Variants in DLX3 observed in about 807,000 individuals in gnomAD.
DLX3 encodes the protein homeobox protein DLX-3.
In DLX3, 9 loss-of-function variants were observed where a neutral mutation model predicts 28.0. The ratio of observed to expected loss-of-function variants is 0.32; its 90% confidence interval spans 0.19 to 0.56. The LOEUF is 0.56. Among genes scored for constraint, DLX3 ranks in the 20% least tolerant of loss-of-function variants. The pLI, the probability that DLX3 is intolerant of heterozygous loss-of-function variation, is 0.91. For missense variants in DLX3, 313 were observed against 378.2 expected, an observed-to-expected ratio of 0.83 and a Z score of 1.43; for synonymous variants, 154 against 167.9, an observed-to-expected ratio of 0.92 and a Z score of 0.64.
rs1906058151 is a variant in DLX3, at chr17:49,990,743, C to T, written c.*774G>A. ...CAATGCCCTTTGTTTTCCTATTTTT[C>T]AACAGCTTTTAAAACCAAAGTTGTG... is the stretch of plus-strand genomic sequence containing the variant. On this transcript the variant is annotated 3_prime_UTR_variant, in exon 3 of 3. Transcript: ENST00000434704. The T allele has an allele frequency of 6.6e-6, 1 of 152,560 alleles. No homozygotes were observed. The highest frequency in any genetic ancestry group is 1.5e-5 in the Non-Finnish European group (1 of 68,016). The allele number at this position is 152,560 out of a possible 1,614,324, so 9.5% of individuals were successfully genotyped here.
chr17:49,993,774 G>T lies in DLX3; in HGVS notation c.326-184C>A, dbSNP rs919088. On this transcript the variant is annotated intron_variant, in intron 1 of 2. Transcript: ENST00000434704. ...CGCGGCCCCAGAGCCAGAACTGGCC[G>T]CGGCCCACAACGCGGCGCTCCCAGC... is the stretch of plus-strand genomic sequence containing the variant. The T allele has an allele frequency of 0.72, 345,136 of 481,712 alleles. 128,612 individuals carry two copies. Among genetic ancestry groups the T allele is most frequent in the Non-Finnish European group, 0.78 (238,336 of 303,616 alleles). The allele number at this position is 481,712 out of a possible 1,614,324, so 29.8% of individuals were successfully genotyped here. A position where few individuals can be genotyped will look rare whatever the true frequency, so the allele number is the denominator to read the frequency against.
rs1906059059 is a variant in DLX3, at chr17:49,990,790, A to C, written c.*727T>G. ...TGTGCAAAGTCCTGGACATGGAAGA[A>C]ATAAGTCCATAGGAAAAACGTCTGA... is the stretch of plus-strand genomic sequence containing the variant. On this transcript the variant is annotated 3_prime_UTR_variant, in exon 3 of 3. Transcript: ENST00000434704. 1 of 152,642 alleles carries C rather than the reference A, an allele frequency of 6.6e-6. No homozygotes were observed. Among genetic ancestry groups the C allele is most frequent in the Non-Finnish European group, 1.5e-5 (1 of 68,046 alleles). The allele number at this position is 152,642 out of a possible 1,614,324, so 9.5% of individuals were successfully genotyped here.
chr17:49,993,661 G>T, intron 1 of DLX3, 71 bp from the exon 2 acceptor site: 1 of 1,538,614 alleles, frequency 6.5e-7, no homozygotes, highest in Non-Finnish European at 8.8e-7. Flanking sequence ...ACCCTCCAGG[G>T]CCCCGCCGGA....
At chr17:49,993,273 G>A in intron 2 of DLX3, 127 bp downstream of exon 2, 2 of 968,992 alleles carry the variant, frequency 2.1e-6, no homozygotes, top group East Asian at 2.6e-5. Flanking sequence ...AACCTCGCAG[G>A]CCCCCATCCC....
Position 49,993,547 on chromosome 17 carries a change from A to G in DLX3, c.369T>C (p.Asn123=). The change falls in exon 2 of 3, where the codon AAT becomes AAC. Residue 123 remains asparagine (N), a synonymous_variant. Transcript: ENST00000434704. ...EEPEAEVRMV[N]GKPKKVRKPR... The stretch of plus-strand genomic sequence containing the variant: ...GCTTTCGGACCTTCTTGGGCTTCCC[A>G]TTCACCATGCGCACCTCTGCTTCCG... The G allele has an allele frequency of 2.5e-6, 4 of 1,613,552 alleles. No homozygotes were observed. The highest frequency in any genetic ancestry group is 2.5e-6 in the Non-Finnish European group (3 of 1,179,682).
At chr17:49,992,422 C>G (rs965420483) in intron 2 of DLX3, among the ~76,000 whole-genome samples, 11 of 152,246 alleles carry the variant, frequency 7.2e-5, no homozygotes, top group Non-Finnish European at 1.0e-4. Flanking sequence ...AATAAAAATA[C>G]ACGCAGACAC....
Position 49,995,198 on chromosome 17 carries a change from T to TCGCG in DLX3, c.-204_-201dup. The TCGCG allele has an allele frequency of 3.0e-6, 2 of 674,504 alleles. No individual in the cohort carries two copies. Among genetic ancestry groups the TCGCG allele is most frequent in the Non-Finnish European group, 5.1e-6 (2 of 390,022 alleles). The allele number at this position is 674,504 out of a possible 1,614,324, so 41.8% of individuals were successfully genotyped here. A position where few individuals can be genotyped will look rare whatever the true frequency, so the allele number is the denominator to read the frequency against. On this transcript the variant is annotated 5_prime_UTR_variant, in exon 1 of 3. Coordinates refer to ENST00000434704, the MANE Select transcript of DLX3 (RefSeq NM_005220.3). ...TCAGGCGGTCGCTGCGCGCCTCTCC[T>TCGCG]CGCGTCCCAAGCCACAATCAAATGC...
chr17:49,995,158 C>T lies in DLX3; in HGVS notation c.-160G>A, dbSNP rs2144188125. ...GGAGGGGGAGGCCGAGAGGCGCTTA[C>T]ACCATTGCCTGCCGTCAGGCGGTCG... On this transcript the variant is annotated 5_prime_UTR_variant, in exon 1 of 3. Coordinates refer to ENST00000434704, the MANE Select transcript of DLX3 (RefSeq NM_005220.3). The T allele has an allele frequency of 3.4e-6, 3 of 871,930 alleles. No individual in the cohort carries two copies. Among genetic ancestry groups the T allele is most frequent in the Non-Finnish European group, 5.4e-6 (3 of 553,678 alleles). 54.0% of individuals were successfully genotyped at this position (871,930 alleles called of 1,614,324 possible). A position where few individuals can be genotyped will look rare whatever the true frequency, so the allele number is the denominator to read the frequency against.
intron 1 of DLX3, 112 bp from the exon 2 acceptor site, chr17:49,993,702 C>G: frequency 7.9e-7 from 1 of 1,261,330 alleles, no homozygotes; most frequent in East Asian, 2.8e-5. Flanking sequence ...CGACTCGCCG[C>G]GGGATTCCCG....
chr17:49,991,302 C>T lies in DLX3; in HGVS notation c.*215G>A. 3.6e-6 allele frequency: 2 copies of T among 561,964 alleles called. No individual in the cohort carries two copies. Among genetic ancestry groups the T allele is most frequent in the Non-Finnish European group, 3.1e-6 (1 of 320,496 alleles). The allele number at this position is 561,964 out of a possible 1,614,324, so 34.8% of individuals were successfully genotyped here. On this transcript the variant is annotated 3_prime_UTR_variant, in exon 3 of 3. Transcript: ENST00000434704. ...AATGTCCCCACATCTGGAGGGGTACCCCAGTGTCTAGGCAGAGGGAGGGAG... is the reference window on the plus strand; with the variant it reads ...AATGTCCCCACATCTGGAGGGGTACTCCAGTGTCTAGGCAGAGGGAGGGAG...
In DLX3 at chr17:49,990,696, G is replaced by T. The variant is rs886053131; in HGVS notation, c.*821C>A. The T allele has an allele frequency of 6.6e-6, 1 of 152,654 alleles. No homozygotes were observed. Among genetic ancestry groups the T allele is most frequent in the East Asian group, 1.9e-4 (1 of 5,182 alleles). The allele number at this position is 152,654 out of a possible 1,614,324, so 9.5% of individuals were successfully genotyped here. ...CAGAACAGAGGCACCCTTGCAAGGG[G>T]AGACTTGGCCCTATCTGTGAACAAT... On this transcript the variant is annotated 3_prime_UTR_variant, in exon 3 of 3. Transcript: ENST00000434704.
rs151274156 is a variant in DLX3 at position 49,991,550 on chromosome 17, G to A, written c.831C>T (p.Pro277=). 93 of 1,610,020 alleles carry A rather than the reference G, an allele frequency of 5.8e-5. No individual in the cohort carries two copies. In the African/African-American group the frequency reaches 8.4e-4, roughly 15 times the overall value. Reference sequence around the variant, plus strand: ...CAGCCCCAGGGTTGGGCGGGGGCCCGGGAGAGGCATGGTGCAGGGTGGCTG... The same window carrying A: ...CAGCCCCAGGGTTGGGCGGGGGCCCAGGAGAGGCATGGTGCAGGGTGGCTG... ...PQPATLHHAS[P]GPPPNPGAVY Residue 277 remains proline (P), a synonymous_variant, in exon 3 of 3, where the codon CCC becomes CCT. Coordinates refer to ENST00000434704, the MANE Select transcript of DLX3 (RefSeq NM_005220.3).
chr17:49,993,743 G>T (rs1598155209), intron 1 of DLX3, 153 bp from the exon 2 acceptor site: 2 of 774,672 alleles, frequency 2.6e-6, no homozygotes, highest in Non-Finnish European at 3.7e-6. Flanking sequence ...CGGCCCAGGG[G>T]GGAGCCGCGG....
intron 2 of DLX3, 97 bp downstream of exon 2, chr17:49,993,303 G>A (rs1049271185): frequency 2.1e-5 from 27 of 1,304,856 alleles, no homozygotes; most frequent in Non-Finnish European, 2.6e-5. Flanking sequence ...AGTTCCAGGA[G>A]CCCGCAGGGC....
intron 2 of DLX3, among the ~76,000 whole-genome samples, chr17:49,992,867 A>G (rs1352264719): frequency 1.3e-5 from 2 of 152,186 alleles, no homozygotes; most frequent in South Asian, 2.1e-4. Flanking sequence ...TGAGCGTTCA[A>G]GTGCTGAGCA....
In DLX3 at chr17:49,994,922, G is replaced by A; in HGVS notation, c.77C>T (p.Ser26Phe). ...CTCGGGCAGGGTAGGCGAGTCCTTG[G>A]AGCCCGCATGGCAGCTAAGGGAGCT... Reference protein sequence around the residue: ...ISSSLSCHAGSKDSPTLPESS... With the variant: ...ISSSLSCHAGFKDSPTLPESS... Residue 26 changes from serine to phenylalanine, a missense_variant, in exon 1 of 3, where the codon TCC (serine) becomes TTC (phenylalanine). Ser to Phe is a radical substitution (Grantham distance 155, BLOSUM62 -2). Transcript: ENST00000434704. The A allele has an allele frequency of 6.2e-7, 1 of 1,614,144 alleles. No homozygotes were observed. Among genetic ancestry groups the A allele is most frequent in the Non-Finnish European group, 8.5e-7 (1 of 1,180,050 alleles).
chr17:49,992,987 C>T lies in DLX3; in HGVS notation c.516+413G>A, dbSNP rs574665257. ...ATGCCCCCATCGTTATGCACAATGA[C>T]CCCGGCAGGATCACACTCCTTACAT... On this transcript the variant is annotated intron_variant, in intron 2 of 2. Coordinates refer to ENST00000434704, the MANE Select transcript of DLX3 (RefSeq NM_005220.3). 2.6e-5 allele frequency among the ~76,000 whole-genome samples: 4 copies of T among 152,334 alleles called. No individual in the cohort carries two copies. In the South Asian group the frequency reaches 8.3e-4, roughly 32 times the overall value.
chr17:49,993,693 G>A (rs1328999459), intron 1 of DLX3, 103 bp from the exon 2 acceptor site: 4 of 1,353,512 alleles, frequency 3.0e-6, no homozygotes, highest in Non-Finnish European at 4.0e-6. Flanking sequence ...TCCGCCCACC[G>A]ACTCGCCGCG....
At chr17:49,993,683 T>C in intron 1 of DLX3, 93 bp from the exon 2 acceptor site, 1 of 1,422,464 alleles carries the variant, frequency 7.0e-7, no homozygotes. Flanking sequence ...GCCCCTCGCT[T>C]CCGCCCACCG....
Sources: gnomAD v4.1 joint callset for allele counts (sites outside exome capture counted in the v4.1 genomes callset) on GRCh38, gnomAD v4.1.1 for gene constraint, MANE v1.5 for transcripts, NCBI Gene and HGNC (gene_info 2026-07-23, HGNC 2026-07-21) for gene names.